The following UNC13C variants were observed in gnomAD, a reference collection of about 807,000 sequenced individuals.
UNC13C encodes the protein unc-13 homolog C.
Under a neutral mutation model 245.4 loss-of-function variants are expected in UNC13C, and 174 were observed. The ratio of observed to expected loss-of-function variants is 0.71; its 90% CI spans 0.63 to 0.80. The LOEUF is 0.80. Ranked by LOEUF, UNC13C falls within the 30% of genes least tolerant of loss-of-function variation. UNC13C has a pLI of 0.00. For synonymous variants in UNC13C, 992 were observed against 895.1 expected (o/e 1.11, Z -1.93); for missense variants, 2,829 against 2,602.9 (o/e 1.09, Z -1.89).
the UNC13C span, among the ~76,000 whole-genome samples, chr15:53,891,323 G>C: frequency 6.6e-6 from 1 of 152,176 alleles, no homozygotes; most frequent in Non-Finnish European, 1.5e-5. Flanking sequence ...GAGGTGCTGA[G>C]AAGAATGTCT....
At chr15:54,501,081 T>C in intron 22 of UNC13C, 103 bp downstream of exon 22, 2 of 1,210,924 alleles carry the variant, frequency 1.7e-6, no homozygotes, top group Non-Finnish European at 2.3e-6. Flanking sequence ...CATCCCAGTT[T>C]ATTTGTAATT....
At chr15:54,382,312 G>T (rs906802798) in intron 17 of UNC13C, among the ~76,000 whole-genome samples, 3 of 152,122 alleles carry the variant, frequency 2.0e-5, no homozygotes, top group African/African-American at 4.8e-5. Flanking sequence ...GGGCTCAGTG[G>T]CTCACTCCTA....
chr15:53,905,868 C>T, the UNC13C span, among the ~76,000 whole-genome samples: 2 of 152,062 alleles, frequency 1.3e-5, no homozygotes, highest in Non-Finnish European at 2.9e-5. Flanking sequence ...CAAAACATCA[C>T]TTCATATATC....
chr15:54,062,494 A>G (rs1897889595), intron 2 of UNC13C, among the ~76,000 whole-genome samples: 3 of 152,104 alleles, frequency 2.0e-5, no homozygotes, highest in Non-Finnish European at 4.4e-5. Context: ...CACAAAACTC[A>G]ACTTTCCAGG....
At chr15:54,130,242 T>C (rs932785856) in intron 2 of UNC13C, among the ~76,000 whole-genome samples, 12 of 151,906 alleles carry the variant, frequency 7.9e-5, no homozygotes, top group Non-Finnish European at 1.5e-4. Context: ...TTTTTGATAT[T>C]CTGTGGAATA....
chr15:53,941,441 C>T, the UNC13C span, among the ~76,000 whole-genome samples: 1 of 152,088 alleles, frequency 6.6e-6, no homozygotes, highest in Admixed American at 6.5e-5. Context: ...AAAAAATTGA[C>T]AAATGGGATC....
chr15:54,560,908 A>G (rs1157540089), intron 29 of UNC13C, among the ~76,000 whole-genome samples: 1 of 152,020 alleles, frequency 6.6e-6, no homozygotes, highest in Non-Finnish European at 1.5e-5. Context: ...CGCTTCACAA[A>G]TATTAAGTTG....
chr15:53,893,205 T>C, the UNC13C span, among the ~76,000 whole-genome samples: 1 of 152,242 alleles, frequency 6.6e-6, no homozygotes, highest in Non-Finnish European at 1.5e-5. Flanking sequence ...CAAAGATTAC[T>C]GCCTGTTCTT....
chr15:54,391,207 C>CAT (rs889620215), intron 17 of UNC13C, among the ~76,000 whole-genome samples: 24 of 151,864 alleles, frequency 1.6e-4, no homozygotes, highest in Non-Finnish European at 3.2e-4. Context: ...ATATGTAAGA[C>CAT]ATATATTTTG....
chr15:54,492,285 T>C (rs898695536), intron 19 of UNC13C, among the ~76,000 whole-genome samples: 7 of 152,098 alleles, frequency 4.6e-5, no homozygotes, highest in Non-Finnish European at 8.8e-5. Context: ...AGAAGGTTTT[T>C]TCTAAAGTAC....
the UNC13C span, among the ~76,000 whole-genome samples, chr15:53,915,908 T>A: frequency 6.6e-6 from 1 of 152,210 alleles, no homozygotes; most frequent in Non-Finnish European, 1.5e-5. Flanking sequence ...AAAGTACTTG[T>A]GGGATGATAT....
chr15:54,485,481 A>G (rs918586611), intron 19 of UNC13C, among the ~76,000 whole-genome samples: 1 of 152,158 alleles, frequency 6.6e-6, no homozygotes, highest in East Asian at 1.9e-4. Flanking sequence ...CAAGTGTCCA[A>G]GCTGCCCTGT....
chr15:54,527,895 A>G (rs1305865401), intron 25 of UNC13C, among the ~76,000 whole-genome samples: 1 of 152,138 alleles, frequency 6.6e-6, no homozygotes, highest in Non-Finnish European at 1.5e-5. Flanking sequence ...CACACTACCA[A>G]TCAGGTCTAT....
intron 4 of UNC13C, among the ~76,000 whole-genome samples, chr15:54,172,748 ATATATATATATATC>A (rs2141287276): frequency 1.3e-5 from 1 of 77,702 alleles, no homozygotes; most frequent in African/African-American, 5.2e-5. Flanking sequence ...ATATATATAT[ATATATATATATATC>A]TTTACTCTAT....
At chr15:54,342,773 T>TTTTTGA (rs751473943) in intron 17 of UNC13C, among the ~76,000 whole-genome samples, 3 of 148,990 alleles carry the variant, frequency 2.0e-5, no homozygotes, top group Admixed American at 6.6e-5. Context: ...GGGTCACTGT[T>TTTTTGA]TTTTGTTTTT....
chr15:54,282,326 G>A (rs1368149454), intron 10 of UNC13C, among the ~76,000 whole-genome samples: 1 of 152,080 alleles, frequency 6.6e-6, no homozygotes, highest in Non-Finnish European at 1.5e-5. Flanking sequence ...ATTATGATGT[G>A]GGATATTTCT....
chr15:54,257,182 G>A (rs2036301913), intron 8 of UNC13C, among the ~76,000 whole-genome samples: 1 of 152,158 alleles, frequency 6.6e-6, no homozygotes, highest in Non-Finnish European at 1.5e-5. Flanking sequence ...GAAACTAAAT[G>A]TGATACAAAG....
At chr15:54,043,309 T>C (rs554352919) in intron 2 of UNC13C, among the ~76,000 whole-genome samples, 1 of 152,308 alleles carries the variant, frequency 6.6e-6, no homozygotes, top group African/African-American at 2.4e-5. Context: ...TACACTGCAA[T>C]TTCTGGAGAT....
At chr15:54,041,214 A>C (rs951287231) in intron 2 of UNC13C, among the ~76,000 whole-genome samples, 2 of 152,228 alleles carry the variant, frequency 1.3e-5, no homozygotes, top group Admixed American at 6.5e-5. Context: ...TTGGCTTAGC[A>C]TATGTCACAA....
Sources: allele counts gnomAD v4.1 joint callset (sites outside exome capture counted in the v4.1 genomes callset), GRCh38; gene constraint gnomAD v4.1.1; transcripts MANE v1.5; gene names NCBI Gene and HGNC (gene_info 2026-07-23, HGNC 2026-07-21).